The following NRG1 variants were observed in gnomAD, a reference collection of about 807,000 sequenced individuals.
NRG1 encodes the protein neuregulin 1, also known as pro-neuregulin-1, membrane-bound isoform.
Under a neutral mutation model 63.8 loss-of-function variants are expected in NRG1, and 18 were observed. The observed-to-expected ratio is 0.28, with a 90% CI of 0.19 to 0.42. NRG1 has a LOEUF of 0.42. NRG1 is among the 10% of genes least tolerant of loss of function. The probability of loss-of-function intolerance (pLI) is 1.00; values close to 1 mark genes in which losing one functional copy is unlikely to be tolerated. For missense variants in NRG1, 762 were observed against 814.7 expected (o/e 0.94, Z 0.79); for synonymous variants, 302 against 301.3 (o/e 1.00, Z -0.02).
intron 1 of NRG1, among the ~76,000 whole-genome samples, chr8:31,680,891 A>G (rs1808270172): frequency 1.3e-5 from 2 of 152,180 alleles, no homozygotes; most frequent in African/African-American, 4.8e-5. Context: ...CACACAGAAC[A>G]GCGAACAGGG....
rs1460703139 is a variant in NRG1, at chr8:32,565,360, C to T, written c.100+16534C>T. 3.9e-5 allele frequency among the ~76,000 whole-genome samples: 6 copies of T among 152,162 alleles called. No homozygotes were observed. In the South Asian group the frequency reaches 1.0e-3, roughly 26 times the overall value. On this transcript the variant is annotated intron_variant, in intron 1 of 11. Coordinates refer to ENST00000356819, the Ensembl canonical transcript of NRG1. Reference sequence around the variant, plus strand: ...CTGCTCTCAAACTCCTGACCTCAAGCGATCCTTCTACTTTGGCCTCCCAGT... The same window carrying T: ...CTGCTCTCAAACTCCTGACCTCAAGTGATCCTTCTACTTTGGCCTCCCAGT...
chr8:32,769,532 G>A (rs959245002), downstream of NRG1, among the ~76,000 whole-genome samples: 1 of 152,138 alleles, frequency 6.6e-6, no homozygotes, highest in Non-Finnish European at 1.5e-5. Flanking sequence ...GGGTTATAAG[G>A]CAGGTCTGAA....
At chr8:32,460,786 C>G (rs1315163731) in intron 1 of NRG1, among the ~76,000 whole-genome samples, 1 of 152,166 alleles carries the variant, frequency 6.6e-6, no homozygotes, top group Non-Finnish European at 1.5e-5. Flanking sequence ...ATACAAAATA[C>G]ATCCTATTTT....
chr8:32,580,162 C>T (rs1181811360), intron 1 of NRG1, among the ~76,000 whole-genome samples: 1 of 152,156 alleles, frequency 6.6e-6, no homozygotes, highest in Non-Finnish European at 1.5e-5. Context: ...CAATCCCCCA[C>T]AGTTAGTGAG....
chr8:31,848,875 T>C (rs1277350256), intron 1 of NRG1, among the ~76,000 whole-genome samples: 1 of 152,118 alleles, frequency 6.6e-6, no homozygotes, highest in Non-Finnish European at 1.5e-5. Context: ...TATATCACAA[T>C]GTAATAATAA....
intron 1 of NRG1, among the ~76,000 whole-genome samples, chr8:31,651,039 G>T (rs1177861036): frequency 6.6e-6 from 1 of 152,100 alleles, no homozygotes; most frequent in Admixed American, 6.5e-5. Flanking sequence ...TTTTTCTGGA[G>T]CTTATTTTCT....
intron 1 of NRG1, among the ~76,000 whole-genome samples, chr8:31,745,700 G>C (rs965732746): frequency 6.6e-6 from 1 of 151,878 alleles, no homozygotes; most frequent in Non-Finnish European, 1.5e-5. Context: ...TTGAGACTCT[G>C]TGATGATACC....
At chr8:31,845,673 A>T (rs903431713) in intron 1 of NRG1, among the ~76,000 whole-genome samples, 1 of 152,090 alleles carries the variant, frequency 6.6e-6, no homozygotes, top group Non-Finnish European at 1.5e-5. Context: ...TTGCATTCTG[A>T]CCAAAGACTT....
At chr8:32,320,796 T>A (rs543136105) in intron 1 of NRG1, among the ~76,000 whole-genome samples, 1 of 152,284 alleles carries the variant, frequency 6.6e-6, no homozygotes, top group South Asian at 2.1e-4. Flanking sequence ...TCAAAAGACA[T>A]GTCATCATTA....
At chr8:31,887,547 A>G (rs1585516010) in intron 1 of NRG1, among the ~76,000 whole-genome samples, 1 of 152,048 alleles carries the variant, frequency 6.6e-6, no homozygotes. Context: ...TCACTCTCGT[A>G]GGTGCTAGTA....
At chr8:31,821,225 A>G (rs1043409309) in intron 1 of NRG1, among the ~76,000 whole-genome samples, 6 of 152,226 alleles carry the variant, frequency 3.9e-5, no homozygotes, top group African/African-American at 1.4e-4. Flanking sequence ...CAAAACCCAT[A>G]CATATAAAGG....
chr8:32,692,806 C>A, intron 5 of NRG1, among the ~76,000 whole-genome samples: 1 of 152,214 alleles, frequency 6.6e-6, no homozygotes, highest in Non-Finnish European at 1.5e-5. Context: ...CCATGATGGG[C>A]AGGAGGAGAA....
chr8:32,183,784 G>A (rs1243650449), intron 1 of NRG1, among the ~76,000 whole-genome samples: 1 of 152,144 alleles, frequency 6.6e-6, no homozygotes, highest in Non-Finnish European at 1.5e-5. Context: ...CACTCCTCCA[G>A]GTCTCATTAG....
At chr8:32,748,946 G>A (rs1828114862) in intron 7 of NRG1, 1 of 227,258 alleles carries the variant, frequency 4.4e-6, no homozygotes, top group Admixed American at 5.7e-5. Context: ...GAAAGTGGAA[G>A]ATTAGAAGAA....
intron 1 of NRG1, among the ~76,000 whole-genome samples, chr8:32,002,705 C>T (rs1014875139): frequency 1.1e-4 from 17 of 152,032 alleles, no homozygotes; most frequent in African/African-American, 3.9e-4. Flanking sequence ...TTGGGGTGCC[C>T]TTGCTTCTAG....
At chr8:32,280,679 GGTTTTTTT>G (rs1852612185) in intron 1 of NRG1, among the ~76,000 whole-genome samples, 2 of 95,108 alleles carry the variant, frequency 2.1e-5, no homozygotes, top group Admixed American at 2.8e-4. Flanking sequence ...AACTGAATTA[GGTTTTTTT>G]TTTGTTTTTT....
rs150410003 is a variant in NRG1, at chr8:32,047,774, G to A, written c.37+408343G>A. On this transcript the variant is annotated intron_variant, in intron 1 of 10. Transcript: ENST00000519301. ...ATTAGATAGTTACCATTTTTGTGGT[G>A]AGAACACTTTACATTTACTCTTTTT... is the stretch of plus-strand genomic sequence containing the variant. 6.6e-5 allele frequency among the ~76,000 whole-genome samples: 10 copies of A among 151,522 alleles called. No homozygotes were observed. In the East Asian group the frequency reaches 1.2e-3, roughly 18 times the overall value.
At chr8:32,582,416 G>A (rs7826436) in intron 1 of NRG1, among the ~76,000 whole-genome samples, 42,907 of 152,024 alleles carry the variant, frequency 0.28, 6,175 homozygotes, top group South Asian at 0.36. Flanking sequence ...CTATATTTTA[G>A]TTTCCTTTAA....
intron 1 of NRG1, among the ~76,000 whole-genome samples, chr8:32,192,842 A>T (rs540269315): frequency 6.6e-6 from 1 of 152,186 alleles, no homozygotes; most frequent in Non-Finnish European, 1.5e-5. Context: ...TCACCTACAC[A>T]CATAAACTCA....
Sources: gnomAD v4.1 joint callset for allele counts (sites outside exome capture counted in the v4.1 genomes callset) on GRCh38, gnomAD v4.1.1 for gene constraint, MANE v1.5 for transcripts, NCBI Gene and HGNC (gene_info 2026-07-23, HGNC 2026-07-21) for gene names.